PCDHGA12: variants seen among roughly 807,000 people sequenced by gnomAD.
The protein encoded by PCDHGA12 is protocadherin gamma-A12.
In PCDHGA12, 43 loss-of-function variants were observed where a neutral mutation model predicts 61.1. The observed-to-expected ratio is 0.70, with a 90% CI of 0.55 to 0.91. The LOEUF is 0.91. PCDHGA12 is among the 40% of genes least tolerant of loss of function. The pLI is 0.00. For missense variants in PCDHGA12, 1,236 were observed against 1,227.7 expected (o/e 1.01, Z -0.10); for synonymous variants, 520 against 542.9 (o/e 0.96, Z 0.59).
intron 1 of PCDHGA12, chr5:141,478,141 C>T (rs770862398): frequency 6.2e-7 from 1 of 1,614,044 alleles, no homozygotes; most frequent in Non-Finnish European, 8.5e-7. Context: ...AAGCCCGAGC[C>T]GAGTTCCCCT....
intron 2 of PCDHGA12, among the ~76,000 whole-genome samples, chr5:141,495,452 C>G (rs543717781): frequency 1.3e-5 from 2 of 152,356 alleles, no homozygotes; most frequent in South Asian, 2.1e-4. Context: ...TTGTCCTGCT[C>G]TCTGTCTGTG....
rs768206517 is a variant in PCDHGA12 at position 141,432,482 on chromosome 5, G to C, written c.1723G>C (p.Val575Leu). 6.2e-7 allele frequency: 1 copy of C among 1,614,178 alleles called. No individual in the cohort carries two copies. Among genetic ancestry groups the C allele is most frequent in the South Asian group, 1.1e-5 (1 of 91,074 alleles). ...CCTCCCCACGGACGGTTCCACTGGC[G>C]TGGAGCTGGCTCCCCGCTCCGCAGA... ...PALPTDGSTG[V>L]ELAPRSAEPG... Residue 575 changes from valine to leucine, a missense_variant, in exon 1 of 4, where the codon GTG becomes CTG. Coordinates refer to ENST00000252085, the MANE Select transcript of PCDHGA12 (RefSeq NM_003735.3). The surrounding 1 kb of genome is among the most constrained non-coding windows in gnomAD (Gnocchi z 6.0).
intron 2 of PCDHGA12, among the ~76,000 whole-genome samples, chr5:141,500,695 T>G (rs1214079801): frequency 1.3e-5 from 2 of 152,214 alleles, no homozygotes; most frequent in Admixed American, 6.5e-5. Flanking sequence ...TTTTTCTTCT[T>G]TGCAGTGTAT....
intron 1 of PCDHGA12, chr5:141,478,270 C>G (rs1347709530): frequency 5.6e-6 from 9 of 1,614,078 alleles, no homozygotes; most frequent in Non-Finnish European, 6.8e-6. Context: ...TCAAAGTTTA[C>G]AAGTGGAAGC....
chr5:141,435,260 T>C (rs1591368331), intron 1 of PCDHGA12, among the ~76,000 whole-genome samples: 1 of 152,236 alleles, frequency 6.6e-6, no homozygotes, highest in African/African-American at 2.4e-5. Context: ...TAGGGATATG[T>C]CCATTTATAC....
At chr5:141,478,618 G>A (rs1374855853) in intron 1 of PCDHGA12, 1 of 1,556,056 alleles carries the variant, frequency 6.4e-7, no homozygotes, top group Non-Finnish European at 8.7e-7. Flanking sequence ...GGAAGGAATG[G>A]AGCTGTTTTT....
chr5:141,455,660 G>A (rs1485792613), intron 1 of PCDHGA12, among the ~76,000 whole-genome samples: 1 of 152,134 alleles, frequency 6.6e-6, no homozygotes, highest in Non-Finnish European at 1.5e-5. Flanking sequence ...CCAGGAACTT[G>A]TGGGGCAAGG....
At position 141,432,395 on chromosome 5, in the gene PCDHGA12, G is replaced by A; in HGVS notation, c.1636G>A (p.Val546Met). 6.2e-7 allele frequency: 1 copy of A among 1,614,240 alleles called. No individual in the cohort carries two copies. Reference protein sequence around the residue: ...DNGHPPLSSNVSLSLFVLDQN... With the variant: ...DNGHPPLSSNMSLSLFVLDQN... ...CGGGCACCCGCCCCTCAGCAGCAAC[G>A]TGTCGTTGAGCCTGTTCGTGCTGGA... The change falls in exon 1 of 4, where the codon GTG becomes ATG. Residue 546 changes from valine to methionine, a missense_variant. Physicochemically the swap from Val to Met is conservative, Grantham distance 21. Coordinates refer to ENST00000252085, the MANE Select transcript of PCDHGA12 (RefSeq NM_003735.3). This position sits in a 1 kb window ranked among gnomAD's most constrained non-coding sequence, Gnocchi z 6.0.
chr5:141,477,224 G>C lies in PCDHGA12; in HGVS notation c.2425-17583G>C. 6.2e-7 allele frequency: 1 copy of C among 1,614,200 alleles called. No individual in the cohort carries two copies. The highest frequency in any genetic ancestry group is 8.5e-7 in the Non-Finnish European group (1 of 1,180,046). Reference sequence around the variant, plus strand: ...ACCCGAGGATGCCCCTCTGGGGACTGTCATCGCTTTGCTCAGTGTGACTGA... The same window carrying C: ...ACCCGAGGATGCCCCTCTGGGGACTCTCATCGCTTTGCTCAGTGTGACTGA... On this transcript the variant is annotated intron_variant, in intron 1 of 3. Transcript: ENST00000252085. The surrounding 1 kb of genome is among the most constrained non-coding windows in gnomAD (Gnocchi z 4.9).
intron 1 of PCDHGA12, among the ~76,000 whole-genome samples, chr5:141,451,108 G>A (rs1484218835): frequency 3.3e-5 from 5 of 151,860 alleles, no homozygotes; most frequent in South Asian, 2.1e-4. Flanking sequence ...GATTACAGGC[G>A]TGAGCCACCA....
intron 1 of PCDHGA12, among the ~76,000 whole-genome samples, chr5:141,481,836 G>A (rs1435746995): frequency 2.7e-5 from 4 of 150,638 alleles, no homozygotes; most frequent in Non-Finnish European, 5.9e-5. Context: ...CAGGAGAATC[G>A]CTTGATGGTG....
At position 141,433,358 on chromosome 5, in the gene PCDHGA12, C is replaced by CTATCTAT. The variant is rs2097585632; in HGVS notation, c.2424+175_2424+176insTATCTAT. ...ACAGGTGCAAGCCACCTACTGTCTG[C>CTATCTAT]CTATCTATCTATCTATCTATCTATC... On this transcript the variant is annotated intron_variant, in intron 1 of 3. Coordinates refer to ENST00000252085, the MANE Select transcript of PCDHGA12 (RefSeq NM_003735.3). 11 of 503,932 alleles carry CTATCTAT rather than the reference C, an allele frequency of 2.2e-5. No individual in the cohort carries two copies. The African/African-American group carries it at 2.3e-4, about 10-fold the overall frequency. The allele number at this position is 503,932 out of a possible 1,614,324, so 31.2% of individuals were successfully genotyped here.
chr5:141,440,564 A>G (rs531383065), intron 1 of PCDHGA12: 1 of 152,248 alleles, frequency 6.6e-6, no homozygotes, highest in Admixed American at 6.5e-5. Context: ...TAAGTTACGT[A>G]TCTCTGAGTT....
chr5:141,472,878 C>G (rs774209715), intron 1 of PCDHGA12, among the ~76,000 whole-genome samples: 1 of 146,132 alleles, frequency 6.8e-6, no homozygotes, highest in East Asian at 2.1e-4. Context: ...CCCAGCTACT[C>G]GGGAGGCTGA....
intron 2 of PCDHGA12, among the ~76,000 whole-genome samples, chr5:141,499,022 A>C (rs1244590420): frequency 2.7e-5 from 4 of 150,722 alleles, no homozygotes; most frequent in Admixed American, 2.0e-4. Context: ...GGAAGGAAGG[A>C]AGGAAGAAAA....
At chr5:141,433,295 G>A (rs754784548) in intron 1 of PCDHGA12, 112 bp downstream of exon 1, 22 of 1,044,006 alleles carry the variant, frequency 2.1e-5, no homozygotes, top group Non-Finnish European at 2.9e-5. Flanking sequence ...CTAGGCTCAA[G>A]CAATTATCCC....
At chr5:141,479,823 G>A (rs1208437635) in intron 1 of PCDHGA12, among the ~76,000 whole-genome samples, 1 of 152,172 alleles carries the variant, frequency 6.6e-6, no homozygotes, top group Admixed American at 6.5e-5. Context: ...TACTATCCAA[G>A]GCATGGTATC....
chr5:141,476,233 G>A lies in PCDHGA12; in HGVS notation c.2425-18574G>A, dbSNP rs1162067190. ...CGGTCATTCACTATGAGATCCCGGA[G>A]GAAAGAGAGAAGGGTTTCGCTGTGG... On this transcript the variant is annotated intron_variant, in intron 1 of 3. Coordinates refer to ENST00000252085, the MANE Select transcript of PCDHGA12 (RefSeq NM_003735.3). The surrounding 1 kb of genome is among the most constrained non-coding windows in gnomAD (Gnocchi z 7.6). The A allele has an allele frequency of 3.1e-6, 5 of 1,613,996 alleles. No homozygotes were observed. Among genetic ancestry groups the A allele is most frequent in the African/African-American group, 2.7e-5 (2 of 74,894 alleles).
intron 1 of PCDHGA12, among the ~76,000 whole-genome samples, chr5:141,444,012 G>T (rs1355186604): frequency 1.3e-5 from 2 of 152,058 alleles, no homozygotes; most frequent in African/African-American, 4.8e-5. Flanking sequence ...CTGGGTATTG[G>T]CTTCTAAAAG....
Sources: allele counts gnomAD v4.1 joint callset (sites outside exome capture counted in the v4.1 genomes callset), GRCh38; gene constraint gnomAD v4.1.1; non-coding constraint Gnocchi (gnomAD v3.1); transcripts MANE v1.5; gene names NCBI Gene and HGNC (gene_info 2026-07-23, HGNC 2026-07-21).